Variants in PTPRN2 observed in about 807,000 individuals in gnomAD.
PTPRN2 encodes receptor-type tyrosine-protein phosphatase N2.
In PTPRN2, 74 loss-of-function variants were observed where a neutral mutation model predicts 118.8. The observed-to-expected ratio is 0.62, with a 90% CI of 0.52 to 0.76. PTPRN2 has a LOEUF of 0.76. Ranked by LOEUF, PTPRN2 falls within the 30% of genes least tolerant of loss-of-function variation. The pLI, the probability that PTPRN2 is intolerant of heterozygous loss-of-function variation, is 0.00. For synonymous variants in PTPRN2, 641 were observed against 608.0 expected, an observed-to-expected ratio of 1.05 and a Z score of -0.80; for missense variants, 1,481 against 1,394.4, an observed-to-expected ratio of 1.06 and a Z score of -0.99.
chr7:158,265,679 G>A (rs551886154), intron 3 of PTPRN2, among the ~76,000 whole-genome samples: 65 of 152,222 alleles, frequency 4.3e-4, no homozygotes, highest in Non-Finnish European at 7.8e-4. Flanking sequence ...ACTGTGTGAG[G>A]CTGCCCAGCA....
chr7:157,600,866 T>A (rs935232357), intron 16 of PTPRN2, among the ~76,000 whole-genome samples: 8 of 152,278 alleles, frequency 5.3e-5, no homozygotes, highest in Non-Finnish European at 1.0e-4. Context: ...CTTATGCTAG[T>A]CAGAACATCC....
At chr7:157,554,976 C>T (rs1798808729) in intron 21 of PTPRN2, among the ~76,000 whole-genome samples, 1 of 151,590 alleles carries the variant, frequency 6.6e-6, no homozygotes, top group African/African-American at 2.4e-5. Context: ...TGGCGGGCGC[C>T]CCAGTGTGGC....
chr7:157,823,138 G>A (rs924512296), intron 12 of PTPRN2, among the ~76,000 whole-genome samples: 1 of 151,348 alleles, frequency 6.6e-6, no homozygotes, highest in Non-Finnish European at 1.5e-5. Flanking sequence ...TCTACCTATG[G>A]AAGCATATAT....
chr7:158,267,802 C>T (rs943738917), intron 3 of PTPRN2, among the ~76,000 whole-genome samples: 6 of 152,224 alleles, frequency 3.9e-5, no homozygotes, highest in African/African-American at 1.2e-4. Flanking sequence ...GGCTGAGCTT[C>T]TGTTCTTCCT....
At chr7:157,707,063 A>G (rs1215624707) in intron 12 of PTPRN2, among the ~76,000 whole-genome samples, 1 of 152,252 alleles carries the variant, frequency 6.6e-6, no homozygotes, top group East Asian at 1.9e-4. Flanking sequence ...GATGAAGGAC[A>G]CAGAAAACTT....
At chr7:158,376,438 G>T (rs1454031751) in intron 2 of PTPRN2, among the ~76,000 whole-genome samples, 3 of 148,846 alleles carry the variant, frequency 2.0e-5, no homozygotes, top group Non-Finnish European at 4.5e-5. Context: ...TGAGGGAGGG[G>T]TTCAGGGGAC....
chr7:157,926,616 C>T (rs115171459), intron 11 of PTPRN2, among the ~76,000 whole-genome samples: 205 of 152,318 alleles, frequency 1.3e-3, no homozygotes, highest in African/African-American at 4.8e-3. Context: ...GGGCGGGACT[C>T]CCTGCATCCC....
chr7:157,603,867 G>A lies in PTPRN2; in HGVS notation c.2418+135C>T, dbSNP rs1339420620. 1.2e-6 allele frequency: 1 copy of A among 812,226 alleles called. No individual in the cohort carries two copies. The highest frequency in any genetic ancestry group is 1.9e-6 in the Non-Finnish European group (1 of 516,618). 50.3% of individuals were successfully genotyped at this position (812,226 alleles called of 1,614,324 possible). ...GGGAGTGGCGGGAGCCCAATGGGCA[G>A]AGTCGGCCCTGTCCACCGCAGAGAC... On this transcript the variant is annotated intron_variant, in intron 16 of 22. Coordinates refer to ENST00000389418, the MANE Select transcript of PTPRN2 (RefSeq NM_002847.5). This position sits in a 1 kb window ranked among gnomAD's most constrained non-coding sequence, Gnocchi z 5.4.
chr7:157,946,785 G>A (rs1466873756), intron 11 of PTPRN2, among the ~76,000 whole-genome samples: 2 of 152,360 alleles, frequency 1.3e-5, no homozygotes, highest in East Asian at 3.9e-4. Context: ...GATCCCAGAA[G>A]CCAAGTGAGA....
chr7:158,038,871 A>G (rs1808263737), intron 11 of PTPRN2, among the ~76,000 whole-genome samples: 1 of 151,960 alleles, frequency 6.6e-6, no homozygotes, highest in Admixed American at 6.6e-5. Context: ...CAGCATGAAA[A>G]TTGAAGTGTT....
chr7:157,961,700 T>C (rs1801548798), intron 11 of PTPRN2, among the ~76,000 whole-genome samples: 1 of 152,206 alleles, frequency 6.6e-6, no homozygotes. Context: ...AGTTTCCTGA[T>C]TTGTAAAATG....
chr7:157,759,090 A>G (rs1324472050), intron 12 of PTPRN2, among the ~76,000 whole-genome samples: 1 of 152,220 alleles, frequency 6.6e-6, no homozygotes. Context: ...CTTGGGTCTG[A>G]AAAATCATGT....
chr7:158,145,130 T>C (rs1203815859), intron 6 of PTPRN2, among the ~76,000 whole-genome samples: 2 of 147,286 alleles, frequency 1.4e-5, no homozygotes, highest in South Asian at 4.4e-4. Flanking sequence ...CGCGAGAAGG[T>C]TCCAGAATAC....
At chr7:157,705,560 C>G (rs572086503) in intron 12 of PTPRN2, among the ~76,000 whole-genome samples, 17 of 152,120 alleles carry the variant, frequency 1.1e-4, no homozygotes, top group African/African-American at 3.9e-4. Flanking sequence ...TTGAGTGAAT[C>G]TGACCCAGGT....
chr7:157,797,659 A>C (rs1254834105), intron 12 of PTPRN2, among the ~76,000 whole-genome samples: 3 of 152,226 alleles, frequency 2.0e-5, no homozygotes, highest in Non-Finnish European at 4.4e-5. Flanking sequence ...GCTGCCCTGC[A>C]GGCCTGTGGG....
intron 11 of PTPRN2, among the ~76,000 whole-genome samples, chr7:157,927,630 A>C (rs1158944225): frequency 6.6e-6 from 1 of 152,048 alleles, no homozygotes; most frequent in Non-Finnish European, 1.5e-5. Flanking sequence ...GAAGACAGGA[A>C]GCCCCAGGGA....
chr7:157,551,976 A>AGCCACCACACAACCCACG (rs1798654087), intron 21 of PTPRN2, among the ~76,000 whole-genome samples: 4 of 147,970 alleles, frequency 2.7e-5, no homozygotes, highest in African/African-American at 1.0e-4. Context: ...CGCACCCCAC[A>AGCCACCACACAACCCACG]GCCACCACAC....
chr7:158,097,647 C>T (rs530556563), intron 10 of PTPRN2, among the ~76,000 whole-genome samples: 2 of 152,308 alleles, frequency 1.3e-5, no homozygotes, highest in East Asian at 1.9e-4. Context: ...CGAGATTCCG[C>T]GGAAGGCGGC....
intron 3 of PTPRN2, among the ~76,000 whole-genome samples, chr7:158,218,223 C>T (rs781245586): frequency 1.1e-4 from 17 of 151,728 alleles, no homozygotes; most frequent in Non-Finnish European, 2.1e-4. Context: ...AGAGAACCCA[C>T]CAGGCTGATA....
Sources: allele counts gnomAD v4.1 joint callset (sites outside exome capture counted in the v4.1 genomes callset), GRCh38; gene constraint gnomAD v4.1.1; non-coding constraint Gnocchi (gnomAD v3.1); transcripts MANE v1.5; gene names NCBI Gene and HGNC (gene_info 2026-07-23, HGNC 2026-07-21).